UNC5B: variants seen among roughly 807,000 people sequenced by gnomAD.
UNC5B encodes the protein netrin receptor UNC5B.
In UNC5B, 56 loss-of-function variants were observed where a neutral mutation model predicts 103.7. The ratio of observed to expected loss-of-function variants is 0.54; its 90% CI spans 0.44 to 0.67. UNC5B has a LOEUF of 0.67. Among genes scored for constraint, UNC5B ranks in the 30% least tolerant of loss-of-function variants. UNC5B has a pLI of 0.00. For synonymous variants in UNC5B, 577 were observed against 542.0 expected (o/e 1.06, Z -0.90); for missense variants, 1,194 against 1,284.5 (o/e 0.93, Z 1.08).
rs554700128 is a variant in UNC5B, at chr10:71,229,575, T to A, written c.79+16511T>A. 2.0e-5 allele frequency among the ~76,000 whole-genome samples: 3 copies of A among 152,262 alleles called. No homozygotes were observed. In the East Asian group the frequency reaches 5.8e-4, roughly 29 times the overall value. ...ATCAAGCCATCCACCCTCCTTCCCA[T>A]CACGGCCCACTGGACCAGAGCGCTT... On this transcript the variant is annotated intron_variant, in intron 1 of 16. Transcript: ENST00000335350.
chr10:71,284,538 G>A (rs1845013732), intron 2 of UNC5B, among the ~76,000 whole-genome samples, 182 bp from the exon 3 acceptor site: 2 of 152,348 alleles, frequency 1.3e-5, no homozygotes, highest in Middle Eastern at 6.8e-3. Flanking sequence ...GTTAGCCACT[G>A]CAATGTGCAG....
intron 1 of UNC5B, among the ~76,000 whole-genome samples, chr10:71,252,372 C>T (rs553033532): frequency 6.6e-6 from 1 of 152,256 alleles, no homozygotes; most frequent in East Asian, 1.9e-4. Flanking sequence ...GCCATGAGTC[C>T]CAGAGCCCTG....
At chr10:71,232,510 G>A (rs1004246454) in intron 1 of UNC5B, among the ~76,000 whole-genome samples, 4 of 152,246 alleles carry the variant, frequency 2.6e-5, no homozygotes, top group East Asian at 3.8e-4. Flanking sequence ...GGCTCAGCAC[G>A]GGGCTGGAGG....
intron 1 of UNC5B, among the ~76,000 whole-genome samples, chr10:71,242,272 T>A (rs1843921041): frequency 6.6e-6 from 1 of 152,098 alleles, no homozygotes; most frequent in Non-Finnish European, 1.5e-5. Flanking sequence ...GGTGAGATGA[T>A]CTCCTTTGTA....
intron 1 of UNC5B, among the ~76,000 whole-genome samples, chr10:71,278,771 C>G (rs1844837189): frequency 6.6e-6 from 1 of 152,248 alleles, no homozygotes; most frequent in South Asian, 2.1e-4. Flanking sequence ...GCTGGGCGGC[C>G]ATGCGCCACC....
At position 71,299,557 on chromosome 10, in the gene UNC5B, C is replaced by T. The variant is rs1484432892; in HGVS notation, c.*280C>T. 3.1e-6 allele frequency: 1 copy of T among 327,332 alleles called. No homozygotes were observed. Among genetic ancestry groups the T allele is most frequent in the Non-Finnish European group, 5.6e-6 (1 of 178,822 alleles). The allele number at this position is 327,332 out of a possible 1,614,324, so 20.3% of individuals were successfully genotyped here. A position where few individuals can be genotyped will look rare whatever the true frequency, so the allele number is the denominator to read the frequency against. ...AAGATGGGGCTGAAGCCTCTGGAGG[C>T]AGTTGGTTGGGGGCGGGCAGGCAGG... On this transcript the variant is annotated 3_prime_UTR_variant, in exon 17 of 17. Transcript: ENST00000335350.
chr10:71,284,157 G>C (rs758328542), intron 2 of UNC5B, among the ~76,000 whole-genome samples: 4 of 152,166 alleles, frequency 2.6e-5, no homozygotes, highest in South Asian at 2.1e-4. Flanking sequence ...GAGAGCTGTC[G>C]GGGAGGCGCA....
At chr10:71,242,297 G>A (rs1423424123) in intron 1 of UNC5B, among the ~76,000 whole-genome samples, 1 of 152,214 alleles carries the variant, frequency 6.6e-6, no homozygotes, top group Non-Finnish European at 1.5e-5. Context: ...TGAGGAAGCT[G>A]AGGCCCACAG....
At chr10:71,278,816 A>G (rs1254476376) in intron 1 of UNC5B, among the ~76,000 whole-genome samples, 1 of 152,236 alleles carries the variant, frequency 6.6e-6, no homozygotes, top group Admixed American at 6.5e-5. Context: ...CTGGGCAGTT[A>G]GCAGAAGAGG....
chr10:71,260,158 G>A (rs915222626), intron 1 of UNC5B, among the ~76,000 whole-genome samples: 1 of 152,234 alleles, frequency 6.6e-6, no homozygotes, highest in Admixed American at 6.5e-5. Flanking sequence ...CTGCCCAAGG[G>A]GGTGGCTTCT....
intron 1 of UNC5B, among the ~76,000 whole-genome samples, chr10:71,245,653 G>A (rs531582042): frequency 3.9e-4 from 60 of 152,274 alleles, no homozygotes; most frequent in African/African-American, 1.1e-3. Flanking sequence ...CAGCCTCGCC[G>A]TGCCACATGG....
Position 71,256,665 on chromosome 10 carries a change from A to C in UNC5B, c.80-23156A>C, listed in dbSNP as rs541633585. ...CCAGACTGGCTTCTCCAGGGCCCCC[A>C]GAAGGGAGCCAAGAGGTGGGCCAGG... On this transcript the variant is annotated intron_variant, in intron 1 of 16. Transcript: ENST00000335350. Among the ~76,000 whole-genome samples, 5 of 152,314 alleles carry C rather than the reference A, an allele frequency of 3.3e-5. No homozygotes were observed. In the East Asian group the frequency reaches 9.7e-4, roughly 29 times the overall value.
rs546447428 is a variant in UNC5B at position 71,213,056 on chromosome 10, G to C, written c.71G>C (p.Ser24Thr). The C allele has an allele frequency of 1.4e-5, 20 of 1,400,284 alleles. No individual in the cohort carries two copies. In the African/African-American group the frequency reaches 2.9e-4, roughly 21 times the overall value. The allele number at this position is 1,400,284 out of a possible 1,614,324, so 86.7% of individuals were successfully genotyped here. A position where few individuals can be genotyped will look rare whatever the true frequency, so the allele number is the denominator to read the frequency against. ...ALLLCWDPRLSQAGTDSGSEV... is the reference protein window; with the variant it reads ...ALLLCWDPRLTQAGTDSGSEV... ...CTGCTCTGCTGGGACCCGAGGCTGA[G>C]CCAAGCAGGTAGGAAGCGATCGGGT... Residue 24 changes from serine to threonine, a missense_variant, in exon 1 of 17, where the codon AGC becomes ACC. Physicochemically the swap from Ser to Thr is moderately conservative, Grantham distance 58 (BLOSUM62 1). Coordinates refer to ENST00000335350, the MANE Select transcript of UNC5B (RefSeq NM_170744.5). The surrounding 1 kb of genome is among the most constrained non-coding windows in gnomAD (Gnocchi z 4.1).
chr10:71,254,853 G>A (rs1844255623), intron 1 of UNC5B, among the ~76,000 whole-genome samples: 1 of 152,144 alleles, frequency 6.6e-6, no homozygotes, highest in African/African-American at 2.4e-5. Context: ...ACTATTTCTG[G>A]GTCCAGGAAG....
intron 1 of UNC5B, among the ~76,000 whole-genome samples, chr10:71,278,370 G>GGTA (rs1421044022): frequency 6.6e-6 from 1 of 152,168 alleles, no homozygotes; most frequent in Non-Finnish European, 1.5e-5. Context: ...GACATAACGA[G>GGTA]GTAGGTGTTA....
In UNC5B at chr10:71,295,805, C is replaced by A. The variant is rs745895207; in HGVS notation, c.2176-6C>A. The A allele has an allele frequency of 1.2e-6, 2 of 1,611,484 alleles. No homozygotes were observed. Among genetic ancestry groups the A allele is most frequent in the South Asian group, 1.1e-5 (1 of 90,872 alleles). On this transcript the variant is annotated splice_polypyrimidine_tract_variant and splice_region_variant and intron_variant, in intron 13 of 16. Transcript: ENST00000335350. Reference sequence around the variant, plus strand: ...GGTTCCCCTTCCCCATGCCCCTGGCCCACAGGAGGTGCTGGAGCTGGAGCG... The same window carrying A: ...GGTTCCCCTTCCCCATGCCCCTGGCACACAGGAGGTGCTGGAGCTGGAGCG...
chr10:71,254,200 C>T (rs1277811613), intron 1 of UNC5B, among the ~76,000 whole-genome samples: 1 of 152,230 alleles, frequency 6.6e-6, no homozygotes, highest in East Asian at 1.9e-4. Flanking sequence ...TGGCTTCCTA[C>T]CTACGCCTAG....
chr10:71,276,304 G>A (rs1417683595), intron 1 of UNC5B, among the ~76,000 whole-genome samples: 1 of 152,104 alleles, frequency 6.6e-6, no homozygotes, highest in Non-Finnish European at 1.5e-5. Context: ...AAGCATCCAG[G>A]AACCCCGAGA....
Position 71,299,160 on chromosome 10 carries a change from G to C in UNC5B, c.2721G>C (p.Leu907=). 1 of 1,614,250 alleles carries C rather than the reference G, an allele frequency of 6.2e-7. No homozygotes were observed. Among genetic ancestry groups the C allele is most frequent in the Non-Finnish European group, 8.5e-7 (1 of 1,180,048 alleles). ...ATKASPTGVI[L]DLWEALQQDD... is the part of the protein sequence containing the mutation. ...AAGCGAGCCCCACGGGTGTGATCCT[G>C]GACCTCTGGGAAGCTCTGCAGCAGG... Residue 907 remains leucine, a synonymous_variant, in exon 17 of 17, where the codon CTG becomes CTC. Coordinates refer to ENST00000335350, the MANE Select transcript of UNC5B (RefSeq NM_170744.5).
Sources: allele counts gnomAD v4.1 joint callset (sites outside exome capture counted in the v4.1 genomes callset), GRCh38; gene constraint gnomAD v4.1.1; non-coding constraint Gnocchi (gnomAD v3.1); transcripts MANE v1.5; gene names NCBI Gene and HGNC (gene_info 2026-07-23, HGNC 2026-07-21).